Variants in ADCYAP1R1 observed in about 807,000 individuals in gnomAD.
ADCYAP1R1 encodes the protein ADCYAP receptor type I.
ADCYAP1R1 carries 44 observed loss-of-function variants against 67.6 expected under a neutral mutation model. The ratio of observed to expected loss-of-function variants is 0.65; its 90% CI spans 0.51 to 0.84. The LOEUF is 0.84. ADCYAP1R1 is among the 40% of genes least tolerant of loss of function. ADCYAP1R1 has a pLI of 0.00. For synonymous variants in ADCYAP1R1, 222 were observed against 219.6 expected, an observed-to-expected ratio of 1.01 and a Z score of -0.10; for missense variants, 477 against 587.9, an observed-to-expected ratio of 0.81 and a Z score of 1.95.
At chr7:31,060,999 A>G (rs1312239608) in intron 1 of ADCYAP1R1, among the ~76,000 whole-genome samples, 2 of 152,218 alleles carry the variant, frequency 1.3e-5, no homozygotes, top group East Asian at 3.9e-4. Context: ...TGATGACTCT[A>G]GTGGGCAGCC....
chr7:31,056,402 C>G (rs1330029379), intron 1 of ADCYAP1R1, among the ~76,000 whole-genome samples: 1 of 152,118 alleles, frequency 6.6e-6, no homozygotes, highest in Non-Finnish European at 1.5e-5. Flanking sequence ...TATATATATC[C>G]TTCCTAGGCA....
chr7:31,084,364 C>A, intron 7 of ADCYAP1R1, 114 bp downstream of exon 7: 1 of 772,412 alleles, frequency 1.3e-6, no homozygotes, highest in Non-Finnish European at 2.2e-6. Context: ...TGGGATGCTG[C>A]CTACTCCTCC....
Position 31,110,075 on chromosome 7 carries a change from C to A in ADCYAP1R1, c.*3391C>A, listed in dbSNP as rs960625384. 6 of 151,814 alleles carry A rather than the reference C, an allele frequency of 4.0e-5. No homozygotes were observed. Among genetic ancestry groups the A allele is most frequent in the African/African-American group, 1.5e-4 (6 of 41,296 alleles). The allele number at this position is 151,814 out of a possible 1,614,324, so 9.4% of individuals were successfully genotyped here. ...AATCCCCGCCAAGGATGCCCACTCA[C>A]CTCTCTCATCTGATCCTCACTCTTT... is the stretch of plus-strand genomic sequence containing the variant. On this transcript the variant is annotated 3_prime_UTR_variant, in exon 16 of 16. Transcript: ENST00000304166.
chr7:31,095,531 A>AGGGCAGT (rs1286902013), intron 13 of ADCYAP1R1: 28 of 692,228 alleles, frequency 4.0e-5, no homozygotes, highest in Non-Finnish European at 6.9e-5. Flanking sequence ...GGGAGGTGAG[A>AGGGCAGT]GGGCAGTGAA....
Position 31,063,053 on chromosome 7 carries a change from C to T in ADCYAP1R1, c.-71-141C>T, listed in dbSNP as rs902431659. On this transcript the variant is annotated intron_variant, in intron 1 of 15. Transcript: ENST00000304166. ...CAGGGCAGAAGAAGAAAGAGCAAGA[C>T]GGATGCAGGCAGGGAGGTGGGGTTA... 1.0e-4 allele frequency: 61 copies of T among 599,102 alleles called. No individual in the cohort carries two copies. In the Admixed American group the frequency reaches 1.1e-3, roughly 11 times the overall value. 37.1% of individuals were successfully genotyped at this position (599,102 alleles called of 1,614,324 possible).
At chr7:31,081,363 C>CT (rs527453406) in intron 5 of ADCYAP1R1, among the ~76,000 whole-genome samples, 6 of 152,188 alleles carry the variant, frequency 3.9e-5, no homozygotes, top group Non-Finnish European at 8.8e-5. Context: ...GTGGTTTGCC[C>CT]TTTTTTTGAA....
In ADCYAP1R1 at chr7:31,086,587, T is replaced by A; in HGVS notation, c.823+50T>A. The A allele has an allele frequency of 6.2e-7, 1 of 1,603,636 alleles. No homozygotes were observed. Among genetic ancestry groups the A allele is most frequent in the Non-Finnish European group, 8.5e-7 (1 of 1,173,532 alleles). Reference sequence around the variant, plus strand: ...CAGGTTCAGGTCCCGTGGTCAGGTGTGTCCAGGTGTGTCTTTGGTTCCATC... The same window carrying A: ...CAGGTTCAGGTCCCGTGGTCAGGTGAGTCCAGGTGTGTCTTTGGTTCCATC... On this transcript the variant is annotated intron_variant, in intron 10 of 15. Coordinates refer to ENST00000304166, the MANE Select transcript of ADCYAP1R1 (RefSeq NM_001118.5). This position sits in a 1 kb window ranked among gnomAD's most constrained non-coding sequence, Gnocchi z 5.0.
At chr7:31,098,007 T>C (rs1011087552) in intron 13 of ADCYAP1R1, among the ~76,000 whole-genome samples, 1 of 152,122 alleles carries the variant, frequency 6.6e-6, no homozygotes, top group Non-Finnish European at 1.5e-5. Context: ...TTCAAGTGAT[T>C]CTCCTGCCTC....
chr7:31,094,904 T>C (rs575781048), intron 13 of ADCYAP1R1, among the ~76,000 whole-genome samples: 7 of 152,302 alleles, frequency 4.6e-5, no homozygotes, highest in East Asian at 3.9e-4. Context: ...AAATCTTTTT[T>C]TTTTAGAGAA....
intron 2 of ADCYAP1R1, 31 bp downstream of exon 2, chr7:31,063,346 C>A: frequency 6.2e-7 from 1 of 1,613,434 alleles, no homozygotes; most frequent in Non-Finnish European, 8.5e-7. Flanking sequence ...CTCTGGGAGC[C>A]CCAGGCTCAC....
intron 13 of ADCYAP1R1, among the ~76,000 whole-genome samples, chr7:31,093,943 C>G (rs1029603038): frequency 6.6e-6 from 1 of 151,986 alleles, no homozygotes; most frequent in African/African-American, 2.4e-5. Flanking sequence ...AGATCCTTCC[C>G]TAAGGCTCCC....
intron 14 of ADCYAP1R1, among the ~76,000 whole-genome samples, chr7:31,103,700 G>C (rs1436231402): frequency 3.3e-5 from 5 of 152,182 alleles, no homozygotes; most frequent in Non-Finnish European, 5.9e-5. Flanking sequence ...AGCTTTTTAG[G>C]CCATGTACCC....
chr7:31,060,661 T>C (rs796608642), intron 1 of ADCYAP1R1, among the ~76,000 whole-genome samples: 5 of 152,254 alleles, frequency 3.3e-5, no homozygotes, highest in African/African-American at 1.2e-4. Flanking sequence ...TGATCATCTC[T>C]GTGGACCTAT....
At chr7:31,074,451 C>T (rs949023044) in intron 3 of ADCYAP1R1, among the ~76,000 whole-genome samples, 25 of 152,180 alleles carry the variant, frequency 1.6e-4, no homozygotes, top group African/African-American at 6.0e-4. Flanking sequence ...CCCCCTTCTC[C>T]CCTTGTGCCA....
At chr7:31,092,334 T>C (rs1795993080) in intron 12 of ADCYAP1R1, among the ~76,000 whole-genome samples, 1 of 151,982 alleles carries the variant, frequency 6.6e-6, no homozygotes, top group African/African-American at 2.4e-5. Context: ...TTATCTCTTT[T>C]GGGCTGTAGT....
rs1405467220 is a variant in ADCYAP1R1, at chr7:31,108,235, C to A, written c.*1551C>A. On this transcript the variant is annotated 3_prime_UTR_variant, in exon 16 of 16. Transcript: ENST00000304166. ...GTTTCTGGAGAGGCTTTCAGAGTGG[C>A]TGGAAAAGGCTCTTGTTGCTGTAAT... 6.6e-6 allele frequency: 1 copy of A among 152,216 alleles called. No homozygotes were observed. The highest frequency in any genetic ancestry group is 1.5e-5 in the Non-Finnish European group (1 of 68,048). The allele number at this position is 152,216 out of a possible 1,614,324, so 9.4% of individuals were successfully genotyped here.
rs200067756 is a variant in ADCYAP1R1 at position 31,103,231 on chromosome 7, C to T, written c.1047-6C>T. The T allele has an allele frequency of 2.3e-5, 37 of 1,613,668 alleles. No homozygotes were observed. The highest frequency in any genetic ancestry group is 1.6e-4 in the East Asian group (7 of 44,860). On this transcript the variant is annotated splice_polypyrimidine_tract_variant and splice_region_variant and intron_variant, in intron 13 of 15. Transcript: ENST00000304166. Reference sequence around the variant, plus strand: ...CCAGAGCAGATGTTTTGCTTTCCTCCGACAGGCGACTGGCCCGGTCCACCC... The same window carrying T: ...CCAGAGCAGATGTTTTGCTTTCCTCTGACAGGCGACTGGCCCGGTCCACCC...
In ADCYAP1R1 at chr7:31,078,091, A is replaced by G. The variant is rs376849591; in HGVS notation, c.258A>G (p.Pro86=). 2 of 1,610,194 alleles carry G rather than the reference A, an allele frequency of 1.2e-6. No homozygotes were observed. The highest frequency in any genetic ancestry group is 1.3e-5 in the African/African-American group (1 of 74,794). ...CTGAGCTCTTCCGAATCTTCAACCC[A>G]GACCAAGGTGGGTTTAGCCCAGTCT... ...SCPELFRIFN[P]DQVWETETIG... The change falls in exon 4 of 16, where the codon CCA becomes CCG. Residue 86 remains proline (P), a synonymous_variant. Coordinates refer to ENST00000304166, the MANE Select transcript of ADCYAP1R1 (RefSeq NM_001118.5).
At chr7:31,075,441 C>T (rs1364207477) in intron 3 of ADCYAP1R1, among the ~76,000 whole-genome samples, 2 of 152,150 alleles carry the variant, frequency 1.3e-5, no homozygotes, top group East Asian at 1.9e-4. Flanking sequence ...TGCAACTCTA[C>T]TCTGCTGCCT....
Sources: allele counts gnomAD v4.1 joint callset (sites outside exome capture counted in the v4.1 genomes callset), GRCh38; gene constraint gnomAD v4.1.1; non-coding constraint Gnocchi (gnomAD v3.1); transcripts MANE v1.5; gene names NCBI Gene and HGNC (gene_info 2026-07-23, HGNC 2026-07-21).